The following RTN4 variants were observed in gnomAD, a reference collection of about 807,000 sequenced individuals.
RTN4 encodes the protein reticulon 4, also known as reticulon-4.
A neutral mutation model predicts 90.4 loss-of-function variants in RTN4; 32 were observed. The ratio of observed to expected loss-of-function variants is 0.35; its 90% CI spans 0.27 to 0.48. The LOEUF is 0.48. Ranked by LOEUF, RTN4 falls within the 20% of genes least tolerant of loss-of-function variation. RTN4 has a pLI of 0.99. For synonymous variants in RTN4, 629 were observed against 552.5 expected (o/e 1.14, Z -1.94); for missense variants, 1,706 against 1,430.2 (o/e 1.19, Z -3.11).
At chr2:55,030,125 T>C (rs114667937) in intron 1 of RTN4, among the ~76,000 whole-genome samples, 158 of 152,276 alleles carry the variant, frequency 1.0e-3, no homozygotes, top group African/African-American at 3.6e-3. Flanking sequence ...GAAAGTGAAC[T>C]AGAAACATAT....
At chr2:55,010,428 G>A in intron 3 of RTN4, 5 of 1,059,506 alleles carry the variant, frequency 4.7e-6, no homozygotes, top group Non-Finnish European at 5.9e-6. Flanking sequence ...CATTTGCAGG[G>A]AGAGGGCAGG....
chr2:55,027,062 A>C lies in RTN4; in HGVS notation c.1037T>G (p.Leu346Ter). The change falls in exon 3 of 9, where the codon TTA becomes TGA. Residue 346 changes from leucine (L) to a stop codon, truncating the protein, a stop_gained. Coordinates refer to ENST00000337526, the MANE Select transcript of RTN4 (RefSeq NM_020532.5). LOFTEE classifies it high-confidence loss of function. ...SNNILHNQQELPTALTKLVKE... is the reference protein window; with the variant it reads ...SNNILHNQQE ...AACCAATTTAGTAAGAGCTGTAGGT[A>C]ACTCTTGTTGATTATGAAGGATGTT... 6.2e-7 allele frequency: 1 copy of C among 1,613,476 alleles called. No homozygotes were observed. Among genetic ancestry groups the C allele is most frequent in the Non-Finnish European group, 8.5e-7 (1 of 1,179,768 alleles).
intron 1 of RTN4, among the ~76,000 whole-genome samples, chr2:55,097,237 G>T (rs1368776639): frequency 6.6e-6 from 1 of 151,122 alleles, no homozygotes; most frequent in African/African-American, 2.4e-5. Context: ...AGGAGGTCAG[G>T]GCTGCAATGA....
At chr2:55,076,119 G>GCTTTTTT (rs2105023029) in intron 2 of RTN4, among the ~76,000 whole-genome samples, 1 of 152,268 alleles carries the variant, frequency 6.6e-6, no homozygotes, top group South Asian at 2.1e-4. Flanking sequence ...CACAGCAAAA[G>GCTTTTTT]AAATAATCAG....
At chr2:54,973,355 G>T (rs1677294374) in intron 8 of RTN4, among the ~76,000 whole-genome samples, 157 bp from the exon 9 acceptor site, 1 of 152,140 alleles carries the variant, frequency 6.6e-6, no homozygotes, top group African/African-American at 2.4e-5. Context: ...TTGGCCTCAT[G>T]AATTAGATTT....
intron 1 of RTN4, among the ~76,000 whole-genome samples, chr2:55,083,266 T>C (rs1573506229): frequency 6.6e-6 from 1 of 152,016 alleles, no homozygotes; most frequent in Non-Finnish European, 1.5e-5. Context: ...AAGGCCAAGG[T>C]GGGAGGAACA....
In RTN4 at chr2:55,049,668, C is replaced by A. The variant is rs770005431; in HGVS notation, c.556+77G>T. ...CCTCGGGGCGGAGAGGAGGGACCAGCCCAAAGCATCTGGGGCTGCACACAA... is the reference window on the plus strand; with the variant it reads ...CCTCGGGGCGGAGAGGAGGGACCAGACCAAAGCATCTGGGGCTGCACACAA... On this transcript the variant is annotated intron_variant, in intron 1 of 8. Transcript: ENST00000337526. 19 of 1,522,006 alleles carry A rather than the reference C, an allele frequency of 1.2e-5. No individual in the cohort carries two copies. In the South Asian group the frequency reaches 2.0e-4, roughly 16 times the overall value. 94.3% of individuals were successfully genotyped at this position (1,522,006 alleles called of 1,614,324 possible).
chr2:55,127,622 G>A, the RTN4 span, among the ~76,000 whole-genome samples: 2 of 152,122 alleles, frequency 1.3e-5, no homozygotes, highest in African/African-American at 4.8e-5. Context: ...CACACAAGCT[G>A]GGGTAATTCC....
chr2:55,115,399 C>A (rs1162437824), upstream of RTN4, among the ~76,000 whole-genome samples: 1 of 152,190 alleles, frequency 6.6e-6, no homozygotes, highest in Admixed American at 6.6e-5. Flanking sequence ...AACTGACTCT[C>A]CTGCTTCTCT....
intron 5 of RTN4, among the ~76,000 whole-genome samples, chr2:54,977,750 A>T (rs771708465): frequency 1.8e-4 from 27 of 152,348 alleles, no homozygotes; most frequent in Non-Finnish European, 2.9e-4. Context: ...TTTGACTAGG[A>T]AAATGATCGT....
intron 1 of RTN4, among the ~76,000 whole-genome samples, chr2:55,098,267 A>C (rs1223136070): frequency 6.6e-6 from 1 of 152,136 alleles, no homozygotes; most frequent in Non-Finnish European, 1.5e-5. Context: ...TTATTCATTC[A>C]TTTGGACTTA....
At chr2:55,090,726 C>G (rs544021650) in intron 1 of RTN4, among the ~76,000 whole-genome samples, 5 of 152,288 alleles carry the variant, frequency 3.3e-5, no homozygotes, top group Admixed American at 6.5e-5. Flanking sequence ...ATTGCTCATA[C>G]AATTTCTCCT....
chr2:55,027,213 C>A lies in RTN4; in HGVS notation c.886G>T (p.Glu296Ter). Residue 296 changes from glutamate to a stop codon, truncating the protein, a stop_gained, in exon 3 of 9, where the codon GAA (glutamate) becomes TAA (stop). Coordinates refer to ENST00000337526, the MANE Select transcript of RTN4 (RefSeq NM_020532.5). LOFTEE classifies it high-confidence loss of function. ...AACGATGATCCCATTTCTGAGTATTCTAATTCTGAAAACTCTGTTAAATCT... is the reference window on the plus strand; with the variant it reads ...AACGATGATCCCATTTCTGAGTATTATAATTCTGAAAACTCTGTTAAATCT... ...DRDLTEFSEL[E>*]YSEMGSSFSV... 6.2e-7 allele frequency: 1 copy of A among 1,613,696 alleles called. No individual in the cohort carries two copies. The highest frequency in any genetic ancestry group is 8.5e-7 in the Non-Finnish European group (1 of 1,179,810).
Position 54,972,979 on chromosome 2 carries a change from T to C in RTN4, c.*177A>G, listed in dbSNP as rs199847182. On this transcript the variant is annotated 3_prime_UTR_variant, in exon 9 of 9. Transcript: ENST00000337526. ...TACAATACTTAAGATGATGAACACATGGCAGTCAAGACAGGTAATTTTTCC... is the reference window on the plus strand; with the variant it reads ...TACAATACTTAAGATGATGAACACACGGCAGTCAAGACAGGTAATTTTTCC... 7.7e-6 allele frequency: 4 copies of C among 522,152 alleles called. No individual in the cohort carries two copies. Among genetic ancestry groups the C allele is most frequent in the African/African-American group, 1.9e-5 (1 of 52,840 alleles). The allele number at this position is 522,152 out of a possible 1,614,324, so 32.3% of individuals were successfully genotyped here. A position where few individuals can be genotyped will look rare whatever the true frequency, so the allele number is the denominator to read the frequency against.
chr2:55,092,763 C>T (rs958525719), intron 1 of RTN4, among the ~76,000 whole-genome samples: 5 of 152,166 alleles, frequency 3.3e-5, no homozygotes, highest in African/African-American at 1.2e-4. Flanking sequence ...TATGTAGATG[C>T]CCTTTTCCAA....
intron 4 of RTN4, among the ~76,000 whole-genome samples, chr2:54,986,127 G>T (rs920401954): frequency 1.3e-5 from 2 of 152,142 alleles, no homozygotes; most frequent in African/African-American, 4.8e-5. Context: ...TCTGGAAGGG[G>T]TAAATGAGAG....
chr2:55,028,075 TA>T, intron 2 of RTN4, 88 bp downstream of exon 2: 1 of 1,119,402 alleles, frequency 8.9e-7, no homozygotes, highest in South Asian at 1.8e-5. Flanking sequence ...TAATTTTTAG[TA>T]AACCCAAACT....
the RTN4 span, among the ~76,000 whole-genome samples, chr2:55,129,821 A>G: frequency 6.6e-6 from 1 of 152,172 alleles, no homozygotes; most frequent in Admixed American, 6.5e-5. Context: ...TCGGACTCCC[A>G]AAGTGTTGCA....
intron 2 of RTN4, among the ~76,000 whole-genome samples, chr2:55,075,836 G>C (rs567787849): frequency 6.6e-6 from 1 of 152,290 alleles, no homozygotes; most frequent in Admixed American, 6.5e-5. Flanking sequence ...AACATAAAAT[G>C]AGGAAGACAC....
Sources: allele counts gnomAD v4.1 joint callset (sites outside exome capture counted in the v4.1 genomes callset), GRCh38; gene constraint gnomAD v4.1.1; transcripts MANE v1.5; gene names NCBI Gene and HGNC (gene_info 2026-07-23, HGNC 2026-07-21).